The following PDE10A variants were observed in gnomAD, a reference collection of about 807,000 sequenced individuals.
The protein encoded by PDE10A is phosphodiesterase 10A.
Under a neutral mutation model 97.7 loss-of-function variants are expected in PDE10A, and 39 were observed. The observed-to-expected ratio is 0.40, with a 90% confidence interval of 0.31 to 0.52. The LOEUF is 0.52. Among genes scored for constraint, PDE10A ranks in the 20% least tolerant of loss-of-function variants. PDE10A has a pLI of 0.56. For synonymous variants in PDE10A, 371 were observed against 376.8 expected (o/e 0.98, Z 0.18); for missense variants, 731 against 1,047.8 (o/e 0.70, Z 4.17).
rs554673459 is a variant in PDE10A at position 165,327,563 on chromosome 6, T to A, written c.*5462A>T. On this transcript the variant is annotated 3_prime_UTR_variant, in exon 22 of 22. Transcript: ENST00000539869. ...TGATTACTGTTCTATTATACAAACA[T>A]AACAGTAAATGTTTTTTAAATACAA... is the stretch of plus-strand genomic sequence containing the variant. The A allele has an allele frequency of 6.6e-6, 1 of 152,264 alleles. No individual in the cohort carries two copies. The highest frequency in any genetic ancestry group is 1.5e-5 in the Non-Finnish European group (1 of 68,002). The allele number at this position is 152,264 out of a possible 1,614,324, so 9.4% of individuals were successfully genotyped here.
intron 18 of PDE10A, among the ~76,000 whole-genome samples, chr6:165,375,570 G>T (rs893578694): frequency 1.3e-5 from 2 of 152,220 alleles, no homozygotes; most frequent in Non-Finnish European, 2.9e-5. Context: ...AGGTTATTCA[G>T]AAGATCTAAC....
intron 1 of PDE10A, among the ~76,000 whole-genome samples, chr6:165,673,447 T>C (rs770767406): frequency 2.6e-5 from 4 of 152,216 alleles, no homozygotes; most frequent in Non-Finnish European, 5.9e-5. Flanking sequence ...GCTTCTCTAT[T>C]GGATTTGGAA....
chr6:165,371,902 G>A, intron 18 of PDE10A, among the ~76,000 whole-genome samples: 1 of 151,960 alleles, frequency 6.6e-6, no homozygotes, highest in Admixed American at 6.6e-5. Context: ...CTTCATCCCT[G>A]GGATGCAAGG....
At chr6:165,945,251 C>A (rs1444967034) in intron 1 of PDE10A, among the ~76,000 whole-genome samples, 1 of 152,182 alleles carries the variant, frequency 6.6e-6, no homozygotes, top group East Asian at 1.9e-4. Context: ...TCAGTTCCTC[C>A]AGCCCCAGTA....
At chr6:165,752,048 CA>C (rs1243967340) in intron 1 of PDE10A, among the ~76,000 whole-genome samples, 1 of 141,628 alleles carries the variant, frequency 7.1e-6, no homozygotes, top group Non-Finnish European at 1.5e-5. Flanking sequence ...GAGGCTGAGG[CA>C]GGAGAATGAT....
intron 1 of PDE10A, among the ~76,000 whole-genome samples, chr6:165,872,564 T>C (rs1487829359): frequency 6.6e-6 from 1 of 152,044 alleles, no homozygotes; most frequent in Non-Finnish European, 1.5e-5. Flanking sequence ...ACACAATGAG[T>C]GCAATTGTTC....
intron 1 of PDE10A, among the ~76,000 whole-genome samples, chr6:165,604,257 AT>A (rs1787100885): frequency 6.6e-6 from 1 of 152,222 alleles, no homozygotes; most frequent in African/African-American, 2.4e-5. Flanking sequence ...GGACCATTGT[AT>A]CCCCAAGGAT....
At chr6:165,527,974 A>G (rs9356365) in intron 2 of PDE10A, among the ~76,000 whole-genome samples, 104,908 of 151,702 alleles carry the variant, frequency 0.69, 39,561 homozygotes, top group Non-Finnish European at 0.83. Flanking sequence ...GGATATCCCT[A>G]GAGGACGGCG....
At chr6:165,729,936 C>T (rs1030968866) in intron 1 of PDE10A, among the ~76,000 whole-genome samples, 3 of 152,154 alleles carry the variant, frequency 2.0e-5, no homozygotes, top group African/African-American at 7.2e-5. Context: ...TATCTTTTGA[C>T]TGCAACGGAA....
At chr6:165,682,895 G>A (rs1791014608) in intron 1 of PDE10A, among the ~76,000 whole-genome samples, 1 of 152,152 alleles carries the variant, frequency 6.6e-6, no homozygotes. Context: ...CTTCAGGTCT[G>A]GGTTAGGTAC....
At chr6:165,445,218 A>G (rs1335462425) in intron 5 of PDE10A, among the ~76,000 whole-genome samples, 2 of 152,246 alleles carry the variant, frequency 1.3e-5, no homozygotes, top group Admixed American at 6.5e-5. Context: ...AGCAGATTAG[A>G]TCATTTGGCT....
chr6:165,508,860 T>C (rs2128299944), intron 2 of PDE10A, among the ~76,000 whole-genome samples: 1 of 152,162 alleles, frequency 6.6e-6, no homozygotes, highest in South Asian at 2.1e-4. Context: ...GTTGTGAAGC[T>C]ATCATAATAG....
chr6:165,472,152 T>C (rs553241513), intron 3 of PDE10A, among the ~76,000 whole-genome samples: 1 of 152,226 alleles, frequency 6.6e-6, no homozygotes, highest in African/African-American at 2.4e-5. Context: ...CTTTTCCTAA[T>C]TTTTTCAGTT....
At chr6:165,464,408 T>G (rs760764391) in intron 3 of PDE10A, among the ~76,000 whole-genome samples, 1 of 152,192 alleles carries the variant, frequency 6.6e-6, no homozygotes, top group Non-Finnish European at 1.5e-5. Flanking sequence ...TGGCTGTCAA[T>G]ATCCTTAACA....
chr6:165,625,902 G>A lies in PDE10A; in HGVS notation c.865+36045C>T, dbSNP rs866799643. Among the ~76,000 whole-genome samples the A allele has an allele frequency of 5.9e-5, 9 of 152,330 alleles. No individual in the cohort carries two copies. The South Asian group carries it at 1.2e-3, about 21-fold the overall frequency. On this transcript the variant is annotated intron_variant, in intron 1 of 21. Transcript: ENST00000539869. ...TTTCCATGAAAACACTGAATACACA[G>A]TTTAATATATGATTCGTTGCGTTCG... is the stretch of plus-strand genomic sequence containing the variant.
intron 1 of PDE10A, among the ~76,000 whole-genome samples, chr6:165,677,821 A>G (rs1285499937): frequency 1.3e-5 from 2 of 151,750 alleles, no homozygotes; most frequent in South Asian, 2.1e-4. Context: ...GTTTGTATAT[A>G]TGTGTGATGT....
chr6:165,406,096 T>C (rs1219445249), intron 13 of PDE10A, among the ~76,000 whole-genome samples: 1 of 152,174 alleles, frequency 6.6e-6, no homozygotes, highest in Non-Finnish European at 1.5e-5. Context: ...CGGCTGAAAT[T>C]AGTTATCTAT....
At chr6:165,710,580 A>G (rs1010859501) in intron 1 of PDE10A, among the ~76,000 whole-genome samples, 2 of 152,220 alleles carry the variant, frequency 1.3e-5, no homozygotes, top group African/African-American at 4.8e-5. Flanking sequence ...ATTTGCTTCC[A>G]AAGTTCCAAT....
chr6:165,861,492 T>C (rs1442051013), intron 1 of PDE10A, among the ~76,000 whole-genome samples: 1 of 150,614 alleles, frequency 6.6e-6, no homozygotes, highest in African/African-American at 2.4e-5. Flanking sequence ...GGTGTGGACA[T>C]AAAGGGGGGA....
Sources: allele counts gnomAD v4.1 joint callset (sites outside exome capture counted in the v4.1 genomes callset), GRCh38; gene constraint gnomAD v4.1.1; transcripts MANE v1.5; gene names NCBI Gene and HGNC (gene_info 2026-07-23, HGNC 2026-07-21).